The following VASP variants were observed in gnomAD, a reference collection of about 807,000 sequenced individuals.
VASP encodes vasodilator stimulated phosphoprotein.
In VASP, 27 loss-of-function variants were observed where a neutral mutation model predicts 54.4. The ratio of observed to expected loss-of-function variants is 0.50; its 90% CI spans 0.37 to 0.68. The LOEUF is 0.68. VASP is among the 30% of genes least tolerant of loss of function. VASP has a pLI of 0.00. For missense variants in VASP, 488 were observed against 528.3 expected (o/e 0.92, Z 0.75); for synonymous variants, 233 against 209.8 (o/e 1.11, Z -0.96).
chr19:45,525,708 A>G, intron 11 of VASP: 1 of 422,216 alleles, frequency 2.4e-6, no homozygotes, highest in Non-Finnish European at 4.3e-6. Flanking sequence ...AAAAAAAAAG[A>G]AAAAGAAAAA....
At chr19:45,519,575 C>G (rs1183281249) in intron 3 of VASP, among the ~76,000 whole-genome samples, 1 of 151,428 alleles carries the variant, frequency 6.6e-6, no homozygotes, top group Non-Finnish European at 1.5e-5. Flanking sequence ...CAGGCATGAG[C>G]CACTACACCC....
At chr19:45,524,522 T>C (rs1968917038) in intron 10 of VASP, 48 bp from the exon 11 acceptor site, 1 of 1,565,770 alleles carries the variant, frequency 6.4e-7, no homozygotes, top group Non-Finnish European at 8.8e-7. Flanking sequence ...GGGAAGCAGG[T>C]CCTCTCTCTA....
chr19:45,509,354 A>C (rs1180509538), intron 1 of VASP, among the ~76,000 whole-genome samples: 2 of 148,360 alleles, frequency 1.3e-5, no homozygotes, highest in African/African-American at 2.5e-5. Context: ...TTCCTCCGGG[A>C]CTCTTCTCTC....
rs961972594 is a variant in VASP at position 45,514,630 on chromosome 19, C to G, written c.6-3033C>G. Among the ~76,000 whole-genome samples, 113 of 152,338 alleles carry G rather than the reference C, an allele frequency of 7.4e-4. 1 individual carries two copies. The highest frequency in any genetic ancestry group is 1.5e-3 in the Non-Finnish European group (101 of 68,026). ...GCAGGCGCCCTGTTCTCCGGCCAGTCCAGAGCCTCAGTAGGGCAGGGCTGC... is the reference window on the plus strand; with the variant it reads ...GCAGGCGCCCTGTTCTCCGGCCAGTGCAGAGCCTCAGTAGGGCAGGGCTGC... On this transcript the variant is annotated intron_variant, in intron 1 of 12. Transcript: ENST00000245932.
At chr19:45,508,448 C>G (rs373447420) in intron 1 of VASP, among the ~76,000 whole-genome samples, 2 of 152,102 alleles carry the variant, frequency 1.3e-5, no homozygotes, top group East Asian at 1.9e-4. Context: ...CTTAACTGGC[C>G]GTGCCTAGGA....
intron 7 of VASP, 91 bp downstream of exon 7, chr19:45,522,909 T>C: frequency 7.6e-7 from 1 of 1,315,004 alleles, no homozygotes. Flanking sequence ...TTAGTTTGTT[T>C]CTTTTGGTGA....
At chr19:45,513,437 G>A (rs1406535351) in intron 1 of VASP, among the ~76,000 whole-genome samples, 2 of 148,458 alleles carry the variant, frequency 1.3e-5, no homozygotes, top group Non-Finnish European at 3.0e-5. Flanking sequence ...TACAGACGGA[G>A]GTCACCATCT....
chr19:45,525,904 C>T (rs1968952341), intron 11 of VASP, 42 bp from the exon 12 acceptor site: 2 of 1,578,630 alleles, frequency 1.3e-6, no homozygotes, highest in South Asian at 2.3e-5. Flanking sequence ...TCCTGCAAGT[C>T]CCGGTACCCC....
intron 3 of VASP, among the ~76,000 whole-genome samples, chr19:45,518,740 C>T (rs1410328951): frequency 6.6e-6 from 1 of 152,216 alleles, no homozygotes; most frequent in East Asian, 1.9e-4. Context: ...TCATGGCTCT[C>T]TGCAGCCTTC....
At chr19:45,525,544 C>T (rs1474016461) in intron 11 of VASP, among the ~76,000 whole-genome samples, 1 of 152,092 alleles carries the variant, frequency 6.6e-6, no homozygotes, top group Non-Finnish European at 1.5e-5. Context: ...ACTAAAAATA[C>T]AAAAATTAGC....
intron 1 of VASP, among the ~76,000 whole-genome samples, chr19:45,514,722 T>C (rs1388709903): frequency 6.6e-6 from 1 of 152,102 alleles, no homozygotes; most frequent in Non-Finnish European, 1.5e-5. Flanking sequence ...GAGTCGGCCC[T>C]GGGTGTGGGT....
intron 1 of VASP, among the ~76,000 whole-genome samples, chr19:45,512,883 G>A (rs11666115): frequency 6.6e-6 from 1 of 152,234 alleles, no homozygotes; most frequent in Non-Finnish European, 1.5e-5. Flanking sequence ...ACAGGCATGA[G>A]CCACCGCACC....
Position 45,526,372 on chromosome 19 carries a change from GGA to G in VASP, c.*197_*198del. The stretch of plus-strand genomic sequence containing the variant: ...CCCACACTGGCTGCTGATTGGCTGG[GGA>G]GGCCCCCGCCCTTTTCTCCCTTTGG... On this transcript the variant is annotated 3_prime_UTR_variant, in exon 13 of 13. Transcript: ENST00000245932. The G allele has an allele frequency of 1.6e-6, 1 of 628,294 alleles. No homozygotes were observed. Among genetic ancestry groups the G allele is most frequent in the Non-Finnish European group, 2.6e-6 (1 of 389,324 alleles). 38.9% of individuals were successfully genotyped at this position (628,294 alleles called of 1,614,324 possible).
chr19:45,515,506 G>A (rs969789547), intron 1 of VASP, among the ~76,000 whole-genome samples: 1 of 152,138 alleles, frequency 6.6e-6, no homozygotes, highest in African/African-American at 2.4e-5. Context: ...CTGAGCTCTC[G>A]GCGTGTGCTG....
At chr19:45,513,678 G>C (rs1365556318) in intron 1 of VASP, among the ~76,000 whole-genome samples, 1 of 151,670 alleles carries the variant, frequency 6.6e-6, no homozygotes, top group African/African-American at 2.4e-5. Context: ...ATGTTGGCCA[G>C]GCTGGTGTCG....
At chr19:45,509,607 C>T (rs536824529) in intron 1 of VASP, among the ~76,000 whole-genome samples, 2 of 152,340 alleles carry the variant, frequency 1.3e-5, no homozygotes, top group East Asian at 3.9e-4. Context: ...CCAAGCATCC[C>T]GTCTTGTGGG....
At chr19:45,508,708 G>A (rs1968540757) in intron 1 of VASP, among the ~76,000 whole-genome samples, 1 of 152,198 alleles carries the variant, frequency 6.6e-6, no homozygotes, top group African/African-American at 2.4e-5. Flanking sequence ...GGAGCCTTGG[G>A]GTTGGAGGAG....
chr19:45,516,864 G>A (rs1039439280), intron 1 of VASP, among the ~76,000 whole-genome samples: 1 of 151,304 alleles, frequency 6.6e-6, no homozygotes, highest in Non-Finnish European at 1.5e-5. Context: ...GCTGGGCTTG[G>A]TGGTGCATGC....
In VASP at chr19:45,507,923, G is replaced by A. The variant is rs1456472924; in HGVS notation, c.5+147G>A. 4 of 507,716 alleles carry A rather than the reference G, an allele frequency of 7.9e-6. No homozygotes were observed. The highest frequency in any genetic ancestry group is 2.0e-5 in the African/African-American group (1 of 48,990). 31.5% of individuals were successfully genotyped at this position (507,716 alleles called of 1,614,324 possible). The stretch of plus-strand genomic sequence containing the variant: ...ATTTGAGCTGAATCCCCTTGGACGC[G>A]CCCCAGAACCGTCGATCACTTCTCC... On this transcript the variant is annotated intron_variant, in intron 1 of 12. Coordinates refer to ENST00000245932, the MANE Select transcript of VASP (RefSeq NM_003370.4). This position sits in a 1 kb window ranked among gnomAD's most constrained non-coding sequence, Gnocchi z 4.4.
Sources: gnomAD v4.1 joint callset for allele counts (sites outside exome capture counted in the v4.1 genomes callset) on GRCh38, gnomAD v4.1.1 for gene constraint, Gnocchi (gnomAD v3.1) non-coding constraint, MANE v1.5 for transcripts, NCBI Gene and HGNC (gene_info 2026-07-23, HGNC 2026-07-21) for gene names.